Variants in HSPA12A observed in about 807,000 individuals in gnomAD.
HSPA12A encodes the protein heat shock protein family A (Hsp70) member 12A.
A neutral mutation model predicts 69.2 loss-of-function variants in HSPA12A; 28 were observed. The ratio of observed to expected loss-of-function variants is 0.40; its 90% CI spans 0.30 to 0.55. The LOEUF is 0.55. HSPA12A is among the 20% of genes least tolerant of loss of function. HSPA12A has a pLI of 0.38. For synonymous variants in HSPA12A, 345 were observed against 370.5 expected, an observed-to-expected ratio of 0.93 and a Z score of 0.79; for missense variants, 686 against 900.7, an observed-to-expected ratio of 0.76 and a Z score of 3.05.
chr10:116,711,667 C>CTT (rs371161580), intron 1 of HSPA12A, among the ~76,000 whole-genome samples: 71,798 of 126,626 alleles, frequency 0.57, 21,333 homozygotes, highest in South Asian at 0.71. Context: ...CTTTTTTTTT[C>CTT]TTTTTTTTTT....
rs1163414664 is a variant in HSPA12A at position 116,692,557 on chromosome 10, C to T, written c.547-90G>A. 7.3e-6 allele frequency: 7 copies of T among 953,228 alleles called. No individual in the cohort carries two copies. The African/African-American group carries it at 1.1e-4, about 15-fold the overall frequency. 59.0% of individuals were successfully genotyped at this position (953,228 alleles called of 1,614,324 possible). A position where few individuals can be genotyped will look rare whatever the true frequency, so the allele number is the denominator to read the frequency against. ...GGCTTCACTGAACCCAGGCTTCCTGCCATGAGCTCTTCAGGAGCCAGTTTC... is the reference window on the plus strand; with the variant it reads ...GGCTTCACTGAACCCAGGCTTCCTGTCATGAGCTCTTCAGGAGCCAGTTTC... On this transcript the variant is annotated intron_variant, in intron 5 of 11. Transcript: ENST00000369209.
chr10:116,839,273 T>A (rs1021893647), intron 1 of HSPA12A, among the ~76,000 whole-genome samples: 10 of 152,312 alleles, frequency 6.6e-5, no homozygotes, highest in African/African-American at 2.4e-4. Flanking sequence ...TCAACCGCAG[T>A]GTTTAGGATC....
chr10:116,805,844 G>C (rs1353808324), intron 2 of HSPA12A, among the ~76,000 whole-genome samples: 1 of 152,174 alleles, frequency 6.6e-6, no homozygotes, highest in African/African-American at 2.4e-5. Flanking sequence ...ATTAGAAAAG[G>C]TGTCAGGTTG....
chr10:116,810,729 T>G (rs1228608798), intron 2 of HSPA12A, among the ~76,000 whole-genome samples: 5 of 152,210 alleles, frequency 3.3e-5, no homozygotes, highest in Non-Finnish European at 7.3e-5. Context: ...GCCAGCAATC[T>G]GGTTTTACAA....
intron 2 of HSPA12A, among the ~76,000 whole-genome samples, chr10:116,762,820 C>A (rs1286477249): frequency 1.3e-5 from 2 of 152,126 alleles, no homozygotes; most frequent in African/African-American, 4.8e-5. Flanking sequence ...AAATGATCCA[C>A]CTGCCTTAGC....
Position 116,826,542 on chromosome 10 carries a change from G to A in HSPA12A, c.91+8393C>T, listed in dbSNP as rs370711199. 3.4e-4 allele frequency among the ~76,000 whole-genome samples: 52 copies of A among 152,292 alleles called. 1 individual carries two copies. The highest frequency in any genetic ancestry group is 1.9e-3 in the East Asian group (10 of 5,176). On this transcript the variant is annotated intron_variant, in intron 2 of 12. Coordinates refer to the HSPA12A transcript ENST00000635765. ...CTGCATGGGAACTGATGGACGACAC[G>A]GGTGTCACAGAAGTACCAAAGGGAA...
intron 2 of HSPA12A, among the ~76,000 whole-genome samples, chr10:116,786,004 G>A (rs866660132): frequency 1.2e-4 from 19 of 152,060 alleles, no homozygotes; most frequent in African/African-American, 3.6e-4. Context: ...TCCTGCACCC[G>A]TCATGAGGCC....
rs934183888 is a variant in HSPA12A, at chr10:116,707,358, T to C, written c.41-73A>G. On this transcript the variant is annotated intron_variant, in intron 1 of 11. Coordinates refer to ENST00000369209, the MANE Select transcript of HSPA12A (RefSeq NM_025015.3). Reference sequence around the variant, plus strand: ...CCAGGGGGAAGAAATGAGGGCTGCATGGCCTTAACTCCTCCAGGAACTGCG... The same window carrying C: ...CCAGGGGGAAGAAATGAGGGCTGCACGGCCTTAACTCCTCCAGGAACTGCG... 31 of 1,152,806 alleles carry C rather than the reference T, an allele frequency of 2.7e-5. No individual in the cohort carries two copies. In the African/African-American group the frequency reaches 4.3e-4, roughly 16 times the overall value. The allele number at this position is 1,152,806 out of a possible 1,614,324, so 71.4% of individuals were successfully genotyped here. A position where few individuals can be genotyped will look rare whatever the true frequency, so the allele number is the denominator to read the frequency against.
chr10:116,788,685 A>G (rs1232770796), intron 2 of HSPA12A, among the ~76,000 whole-genome samples: 1 of 152,046 alleles, frequency 6.6e-6, no homozygotes, highest in African/African-American at 2.4e-5. Flanking sequence ...TTAATTATAT[A>G]TTGTGGGTAT....
chr10:116,683,303 T>G (rs1418734662), intron 7 of HSPA12A, among the ~76,000 whole-genome samples: 1 of 152,164 alleles, frequency 6.6e-6, no homozygotes, highest in Non-Finnish European at 1.5e-5. Flanking sequence ...GCGGTGCTCC[T>G]TCCCACAGCT....
intron 1 of HSPA12A, among the ~76,000 whole-genome samples, chr10:116,845,393 T>C (rs1209661332): frequency 6.6e-6 from 1 of 152,180 alleles, no homozygotes; most frequent in African/African-American, 2.4e-5. Flanking sequence ...TAGGGGCAAC[T>C]GGGATTCCAC....
Position 116,674,554 on chromosome 10 carries a change from G to C in HSPA12A, c.*227C>G, listed in dbSNP as rs1387505060. 3.5e-6 allele frequency: 2 copies of C among 571,048 alleles called. No individual in the cohort carries two copies. Among genetic ancestry groups the C allele is most frequent in the Non-Finnish European group, 6.2e-6 (2 of 322,688 alleles). 35.4% of individuals were successfully genotyped at this position (571,048 alleles called of 1,614,324 possible). A position where few individuals can be genotyped will look rare whatever the true frequency, so the allele number is the denominator to read the frequency against. ...CTATGAAAACTAGCTGCTCCTCCAG[G>C]ATCCTTTAATTTTCTATGCCTAAAC... is the stretch of plus-strand genomic sequence containing the variant. On this transcript the variant is annotated 3_prime_UTR_variant, in exon 12 of 12. Coordinates refer to ENST00000369209, the MANE Select transcript of HSPA12A (RefSeq NM_025015.3).
intron 2 of HSPA12A, among the ~76,000 whole-genome samples, chr10:116,765,248 G>T (rs1407346801): frequency 6.6e-6 from 1 of 152,168 alleles, no homozygotes; most frequent in African/African-American, 2.4e-5. Flanking sequence ...CCACCCAAAA[G>T]CACATGGGCT....
At chr10:116,803,970 A>G (rs1206955481) in intron 2 of HSPA12A, among the ~76,000 whole-genome samples, 1 of 151,904 alleles carries the variant, frequency 6.6e-6, no homozygotes. Context: ...AAAGATTCAA[A>G]CTCCTAAGTA....
At position 116,673,665 on chromosome 10, in the gene HSPA12A, A is replaced by G. The variant is rs1849147712; in HGVS notation, c.*1116T>C. Reference sequence around the variant, plus strand: ...AGCCACAGGCCCGCTGTGAAAAAAAACTGACTTAATACATCAAGTATAGAT... The same window carrying G: ...AGCCACAGGCCCGCTGTGAAAAAAAGCTGACTTAATACATCAAGTATAGAT... On this transcript the variant is annotated 3_prime_UTR_variant, in exon 12 of 12. Coordinates refer to ENST00000369209, the MANE Select transcript of HSPA12A (RefSeq NM_025015.3). 1 of 152,116 alleles carries G rather than the reference A, an allele frequency of 6.6e-6. No individual in the cohort carries two copies. Among genetic ancestry groups the G allele is most frequent in the South Asian group, 2.1e-4 (1 of 4,822 alleles). The allele number at this position is 152,116 out of a possible 1,614,324, so 9.4% of individuals were successfully genotyped here. A position where few individuals can be genotyped will look rare whatever the true frequency, so the allele number is the denominator to read the frequency against.
At chr10:116,781,445 C>G (rs1554891791) in intron 2 of HSPA12A, among the ~76,000 whole-genome samples, 1 of 152,114 alleles carries the variant, frequency 6.6e-6, no homozygotes, top group Non-Finnish European at 1.5e-5. Context: ...CTCTGGCTCT[C>G]TAGTTTACCC....
chr10:116,679,418 C>T (rs897001574), intron 10 of HSPA12A, 85 bp downstream of exon 10: 15 of 1,535,024 alleles, frequency 9.8e-6, no homozygotes, highest in Non-Finnish European at 1.3e-5. Context: ...GATTGGAACC[C>T]GAAGTCCACA....
At chr10:116,798,970 G>A (rs933701130) in intron 2 of HSPA12A, among the ~76,000 whole-genome samples, 2 of 152,040 alleles carry the variant, frequency 1.3e-5, no homozygotes, top group African/African-American at 4.8e-5. Flanking sequence ...CGCAGCCTGG[G>A]CCATGGTCAG....
chr10:116,798,356 C>A (rs1384164447), intron 2 of HSPA12A, among the ~76,000 whole-genome samples: 1 of 152,138 alleles, frequency 6.6e-6, no homozygotes, highest in Non-Finnish European at 1.5e-5. Flanking sequence ...ACCAGGAGAA[C>A]CCTGGGCAAA....
Sources: gnomAD v4.1 joint callset for allele counts (sites outside exome capture counted in the v4.1 genomes callset) on GRCh38, gnomAD v4.1.1 for gene constraint, MANE v1.5 for transcripts, NCBI Gene and HGNC (gene_info 2026-07-23, HGNC 2026-07-21) for gene names.